KLHL7: variants seen among roughly 807,000 people sequenced by gnomAD.
KLHL7 encodes kelch like family member 7.
In KLHL7, 44 loss-of-function variants were observed where a neutral mutation model predicts 67.4. That is an observed-to-expected ratio of 0.65 (90% CI 0.51 to 0.84). The LOEUF (loss-of-function observed/expected upper bound fraction) is 0.84. Ranked by LOEUF, KLHL7 falls within the 40% of genes least tolerant of loss-of-function variation. The pLI, the probability that KLHL7 is intolerant of heterozygous loss-of-function variation, is 0.00. For missense variants in KLHL7, 362 were observed against 718.1 expected (o/e 0.50, Z 5.67); for synonymous variants, 252 against 243.3 (o/e 1.04, Z -0.33).
chr7:23,115,491 T>C (rs868124953), intron 1 of KLHL7, among the ~76,000 whole-genome samples: 19 of 152,120 alleles, frequency 1.2e-4, no homozygotes, highest in East Asian at 7.7e-4. Context: ...ATAGAAGAGA[T>C]TTATTCAATG....
At chr7:23,121,387 A>G (rs1783330982) in intron 1 of KLHL7, among the ~76,000 whole-genome samples, 1 of 152,052 alleles carries the variant, frequency 6.6e-6, no homozygotes, top group Non-Finnish European at 1.5e-5. Context: ...CTGGGGCTCA[A>G]GTGATCCTCT....
chr7:23,124,971 A>G (rs773372464), intron 3 of KLHL7, 77 bp from the exon 4 acceptor site: 16 of 1,353,926 alleles, frequency 1.2e-5, no homozygotes, highest in Admixed American at 7.3e-5. Context: ...TTCAGGGGCT[A>G]TTAGGATACA....
chr7:23,172,936 T>G lies in KLHL7; in HGVS notation c.1380-12T>G, dbSNP rs371329755. 6 of 1,608,210 alleles carry G rather than the reference T, an allele frequency of 3.7e-6. No homozygotes were observed. Among genetic ancestry groups the G allele is most frequent in the Middle Eastern group, 1.7e-4 (1 of 6,056 alleles). ...CTGTAAACAAGCACACTAAAAACTT[T>G]AATTTTTTCAGATGGACTGAGCTGT... On this transcript the variant is annotated splice_polypyrimidine_tract_variant and intron_variant, in intron 9 of 10. Coordinates refer to ENST00000339077, the MANE Select transcript of KLHL7 (RefSeq NM_001031710.3).
chr7:23,145,886 A>C (rs1784340232), intron 6 of KLHL7, among the ~76,000 whole-genome samples: 1 of 152,132 alleles, frequency 6.6e-6, no homozygotes, highest in Non-Finnish European at 1.5e-5. Context: ...ACACACCACT[A>C]TGCCCAGCTA....
At chr7:23,131,454 A>G (rs1319878468) in intron 4 of KLHL7, among the ~76,000 whole-genome samples, 1 of 152,164 alleles carries the variant, frequency 6.6e-6, no homozygotes, top group East Asian at 1.9e-4. Context: ...TAGATATTTC[A>G]TTCTTTATAA....
In KLHL7 at chr7:23,128,422, TAAAAAAAA is replaced by T. The variant is rs201757686; in HGVS notation, c.442+3272_442+3279del. Among the ~76,000 whole-genome samples, 48 of 116,940 alleles carry T rather than the reference TAAAAAAAA, an allele frequency of 4.1e-4. 1 individual carries two copies. The highest frequency in any genetic ancestry group is 1.5e-3 in the Admixed American group (15 of 9,986). The allele number at this position is 116,940 out of a possible 152,430, so 76.7% of individuals were successfully genotyped here. A position where few individuals can be genotyped will look rare whatever the true frequency, so the allele number is the denominator to read the frequency against. On this transcript the variant is annotated intron_variant, in intron 4 of 10. Coordinates refer to ENST00000339077, the MANE Select transcript of KLHL7 (RefSeq NM_001031710.3). ...AATAAGACTACGACTTCTTTGGGTT[TAAAAAAAA>T]AAAAAAAAAAAAAAAAAAAAAGAAC... is the stretch of plus-strand genomic sequence containing the variant.
intron 6 of KLHL7, among the ~76,000 whole-genome samples, chr7:23,148,290 C>G (rs896845854): frequency 6.7e-6 from 1 of 150,230 alleles, no homozygotes; most frequent in African/African-American, 2.5e-5. Flanking sequence ...CTGAAAAAGA[C>G]TAAGTGTGTT....
intron 7 of KLHL7, among the ~76,000 whole-genome samples, chr7:23,156,723 A>G (rs1784717903): frequency 6.6e-6 from 1 of 152,206 alleles, no homozygotes; most frequent in South Asian, 2.1e-4. Flanking sequence ...GTGGCACCCT[A>G]TTCATGGAAC....
intron 4 of KLHL7, among the ~76,000 whole-genome samples, chr7:23,134,888 CA>C (rs1229448177): frequency 4.6e-5 from 7 of 151,838 alleles, no homozygotes; most frequent in Non-Finnish European, 1.5e-5. Flanking sequence ...TTTAACTTTT[CA>C]AAAAAACAAC....
rs949309509 is a variant in KLHL7 at position 23,172,888 on chromosome 7, A to G, written c.1380-60A>G. The G allele has an allele frequency of 5.1e-6, 6 of 1,181,928 alleles. No homozygotes were observed. In the African/African-American group the frequency reaches 7.5e-5, roughly 15 times the overall value. The allele number at this position is 1,181,928 out of a possible 1,614,324, so 73.2% of individuals were successfully genotyped here. A position where few individuals can be genotyped will look rare whatever the true frequency, so the allele number is the denominator to read the frequency against. ...TTAATTAGAATAATAGACCTTTCTC[A>G]TTAGTATGAGTTCTTTTACTTCCTG... is the stretch of plus-strand genomic sequence containing the variant. On this transcript the variant is annotated intron_variant, in intron 9 of 10. Coordinates refer to ENST00000339077, the MANE Select transcript of KLHL7 (RefSeq NM_001031710.3).
intron 1 of KLHL7, among the ~76,000 whole-genome samples, chr7:23,113,826 C>CA (rs1782976316): frequency 1.3e-5 from 2 of 152,118 alleles, no homozygotes; most frequent in South Asian, 2.1e-4. Flanking sequence ...AACTCTGTCT[C>CA]AAAAAAACCC....
At chr7:23,119,912 A>G (rs1283369544) in intron 1 of KLHL7, among the ~76,000 whole-genome samples, 1 of 152,050 alleles carries the variant, frequency 6.6e-6, no homozygotes, top group African/African-American at 2.4e-5. Flanking sequence ...AACTTGATTT[A>G]TCTTTATCGT....
chr7:23,157,298 C>A (rs1264768136), intron 7 of KLHL7, among the ~76,000 whole-genome samples: 1 of 152,178 alleles, frequency 6.6e-6, no homozygotes, highest in Non-Finnish European at 1.5e-5. Context: ...AACAAAATAT[C>A]TAAAATAGGC....
intron 4 of KLHL7, chr7:23,125,624 C>G: frequency 3.8e-6 from 4 of 1,051,830 alleles, no homozygotes; most frequent in Non-Finnish European, 5.2e-6. Flanking sequence ...GCTACTACAC[C>G]TTGCTGCCTC....
rs773776799 is a variant in KLHL7, at chr7:23,131,918, G to A, written c.442+6746G>A. Among the ~76,000 whole-genome samples the A allele has an allele frequency of 1.2e-4, 18 of 151,814 alleles. 1 individual carries two copies. The highest frequency in any genetic ancestry group is 2.2e-4 in the Non-Finnish European group (15 of 67,924). On this transcript the variant is annotated intron_variant, in intron 4 of 10. Coordinates refer to ENST00000339077, the MANE Select transcript of KLHL7 (RefSeq NM_001031710.3). ...GAATATGTGATGTCTGTCTTTCTGTGCCTGGCTTATTTCACTTAACATAAT... is the reference window on the plus strand; with the variant it reads ...GAATATGTGATGTCTGTCTTTCTGTACCTGGCTTATTTCACTTAACATAAT...
chr7:23,168,206 T>C, intron 9 of KLHL7, 169 bp downstream of exon 9: 2 of 637,944 alleles, frequency 3.1e-6, no homozygotes, highest in Non-Finnish European at 2.7e-6. Flanking sequence ...CCTGGACCTT[T>C]CCCTTACACC....
chr7:23,174,078 T>C lies in KLHL7; in HGVS notation c.1541T>C (p.Met514Thr). 2 of 1,614,204 alleles carry C rather than the reference T, an allele frequency of 1.2e-6. No homozygotes were observed. The highest frequency in any genetic ancestry group is 1.7e-6 in the Non-Finnish European group (2 of 1,180,010). The change falls in exon 11 of 11, where the codon ATG becomes ACG. Residue 514 changes from methionine (M) to threonine (T), a missense_variant. Around this residue, in one of 5 missense-constraint regions of KLHL7, gnomAD observed 136 missense variants for 252.7 expected, o/e 0.54. Coordinates refer to ENST00000339077, the MANE Select transcript of KLHL7 (RefSeq NM_001031710.3). Reference sequence around the variant, plus strand: ...AACGAATGGAAGATGGTCTCACCAATGCCATGGAAGGGTGTAACAGTGAAA... The same window carrying C: ...AACGAATGGAAGATGGTCTCACCAACGCCATGGAAGGGTGTAACAGTGAAA... ...KLNEWKMVSP[M>T]PWKGVTVKCA...
intron 4 of KLHL7, among the ~76,000 whole-genome samples, chr7:23,126,700 CAG>C (rs772512963): frequency 2.6e-5 from 4 of 152,000 alleles, no homozygotes; most frequent in Non-Finnish European, 4.4e-5. Flanking sequence ...ACTGTGAGCA[CAG>C]AGAGAGAGAT....
intron 7 of KLHL7, among the ~76,000 whole-genome samples, chr7:23,157,856 A>G (rs1337900558): frequency 6.6e-6 from 1 of 152,236 alleles, no homozygotes; most frequent in Non-Finnish European, 1.5e-5. Flanking sequence ...ATAAATTAAC[A>G]GATCACTCTA....
Sources: gnomAD v4.1 joint callset for allele counts (sites outside exome capture counted in the v4.1 genomes callset) on GRCh38, gnomAD v4.1.1 for gene constraint, gnomAD v4.1.1 regional missense constraint, MANE v1.5 for transcripts, NCBI Gene and HGNC (gene_info 2026-07-23, HGNC 2026-07-21) for gene names.